Variants in RAPGEF4 observed in about 807,000 individuals in gnomAD.
The protein encoded by RAPGEF4 is RAP guanine-nucleotide-exchange factor (GEF) 4.
RAPGEF4 carries 66 observed loss-of-function variants against 147.9 expected under a neutral mutation model. That is an observed-to-expected ratio of 0.45 (90% CI 0.37 to 0.55). The LOEUF is 0.55. Ranked by LOEUF, RAPGEF4 falls within the 20% of genes least tolerant of loss-of-function variation. The probability of loss-of-function intolerance (pLI) is 0.00; values close to 1 mark genes in which losing one functional copy is unlikely to be tolerated. For synonymous variants in RAPGEF4, 419 were observed against 442.7 expected, an observed-to-expected ratio of 0.95 and a Z score of 0.67; for missense variants, 1,071 against 1,257.3, an observed-to-expected ratio of 0.85 and a Z score of 2.24.
intron 4 of RAPGEF4, among the ~76,000 whole-genome samples, chr2:172,818,149 C>T (rs1268228967): frequency 3.3e-5 from 5 of 150,244 alleles, no homozygotes; most frequent in Admixed American, 6.6e-5. Flanking sequence ...GATGCAAAGG[C>T]GTAAGAATGA....
chr2:172,988,067 G>T, intron 12 of RAPGEF4, 129 bp from the exon 13 acceptor site: 1 of 1,332,524 alleles, frequency 7.5e-7, no homozygotes, highest in Non-Finnish European at 9.7e-7. Flanking sequence ...GTTAATATTT[G>T]CCAGTGATGT....
chr2:172,897,867 C>T (rs1333361991), intron 4 of RAPGEF4, among the ~76,000 whole-genome samples: 1 of 60,244 alleles, frequency 1.7e-5, no homozygotes, highest in African/African-American at 5.6e-5. Flanking sequence ...ATTTAATACT[C>T]ATCACATGTA....
At chr2:172,969,802 C>T (rs116816638) in intron 10 of RAPGEF4, among the ~76,000 whole-genome samples, 39 of 152,292 alleles carry the variant, frequency 2.6e-4, no homozygotes, top group African/African-American at 8.4e-4. Flanking sequence ...TTTCATGAGT[C>T]ACCTTGGGAG....
intron 10 of RAPGEF4, among the ~76,000 whole-genome samples, chr2:172,975,372 A>G (rs550269463): frequency 6.6e-6 from 1 of 152,230 alleles, no homozygotes; most frequent in African/African-American, 2.4e-5. Flanking sequence ...CCCTCTTTGA[A>G]CCACTAAAAA....
intron 1 of RAPGEF4, among the ~76,000 whole-genome samples, chr2:172,770,081 A>G (rs533439044): frequency 1.3e-5 from 2 of 152,332 alleles, no homozygotes; most frequent in Admixed American, 1.3e-4. Context: ...GTATGCATGC[A>G]TACCCACTTT....
At chr2:172,854,271 A>G (rs1302962452) in intron 4 of RAPGEF4, among the ~76,000 whole-genome samples, 2 of 151,914 alleles carry the variant, frequency 1.3e-5, no homozygotes, top group Non-Finnish European at 2.9e-5. Context: ...TTAGGCATGT[A>G]TGCATTTATT....
intron 29 of RAPGEF4, among the ~76,000 whole-genome samples, chr2:173,039,196 G>T (rs533218858): frequency 6.6e-6 from 1 of 152,060 alleles, no homozygotes; most frequent in African/African-American, 2.4e-5. Flanking sequence ...GGTGGCTCAC[G>T]CCTGTAATCC....
At chr2:172,821,651 C>G (rs1259258687) in intron 4 of RAPGEF4, 3 of 1,025,436 alleles carry the variant, frequency 2.9e-6, no homozygotes, top group Non-Finnish European at 3.5e-6. Flanking sequence ...GGTCTCATTC[C>G]TGTGTCTTCA....
At chr2:172,906,400 C>G (rs547919110) in intron 4 of RAPGEF4, among the ~76,000 whole-genome samples, 2 of 152,210 alleles carry the variant, frequency 1.3e-5, no homozygotes, top group African/African-American at 2.4e-5. Context: ...AGCACACCCC[C>G]ACCCCAGGTG....
chr2:172,861,005 T>A (rs1489151678), intron 4 of RAPGEF4, among the ~76,000 whole-genome samples: 1 of 152,216 alleles, frequency 6.6e-6, no homozygotes, highest in Non-Finnish European at 1.5e-5. Flanking sequence ...ATCTTTAAAG[T>A]TTTTGCCTCA....
At chr2:172,762,122 CA>C (rs1028869693) in intron 1 of RAPGEF4, among the ~76,000 whole-genome samples, 52 of 152,256 alleles carry the variant, frequency 3.4e-4, no homozygotes, top group African/African-American at 1.3e-3. Context: ...CTCAAACAAA[CA>C]AACAAACAAA....
At chr2:173,005,259 G>A (rs1269227565) in intron 17 of RAPGEF4, among the ~76,000 whole-genome samples, 1 of 151,992 alleles carries the variant, frequency 6.6e-6, no homozygotes, top group Non-Finnish European at 1.5e-5. Context: ...TGCTTCTGAT[G>A]TGTATTCCCA....
chr2:172,755,871 AC>A lies in RAPGEF4; in HGVS notation c.65+19825del, dbSNP rs1227267687. 2.0e-5 allele frequency among the ~76,000 whole-genome samples: 3 copies of A among 152,290 alleles called. No homozygotes were observed. In the East Asian group the frequency reaches 5.8e-4, roughly 29 times the overall value. Reference sequence around the variant, plus strand: ...AGTCCACAGAATTTATTTGGGCTTTACCAATTCTATGTGCATTCAAGTGCAC... The same window carrying A: ...AGTCCACAGAATTTATTTGGGCTTTACAATTCTATGTGCATTCAAGTGCAC... On this transcript the variant is annotated intron_variant, in intron 1 of 30. Coordinates refer to ENST00000397081, the MANE Select transcript of RAPGEF4 (RefSeq NM_007023.4).
intron 6 of RAPGEF4, among the ~76,000 whole-genome samples, chr2:172,946,775 C>T (rs997858968): frequency 2.0e-5 from 3 of 152,196 alleles, no homozygotes; most frequent in African/African-American, 7.2e-5. Context: ...ACGGTTCCAC[C>T]GGATGTGCCT....
chr2:172,873,501 C>A (rs1695490969), intron 4 of RAPGEF4, among the ~76,000 whole-genome samples: 1 of 152,306 alleles, frequency 6.6e-6, no homozygotes, highest in Non-Finnish European at 1.5e-5. Flanking sequence ...AGCTGCTACC[C>A]TCTTTCCTAA....
chr2:172,861,480 T>C lies in RAPGEF4; in HGVS notation c.444+47055T>C, dbSNP rs375055027. Reference sequence around the variant, plus strand: ...TAGAATCCCCTGACTGAAAATTCCATGGGGCAGACACAGGAAGTGAATGCT... The same window carrying C: ...TAGAATCCCCTGACTGAAAATTCCACGGGGCAGACACAGGAAGTGAATGCT... On this transcript the variant is annotated intron_variant, in intron 4 of 30. Coordinates refer to ENST00000397081, the MANE Select transcript of RAPGEF4 (RefSeq NM_007023.4). 1.7e-3 allele frequency among the ~76,000 whole-genome samples: 257 copies of C among 152,256 alleles called. 1 individual carries two copies. Among genetic ancestry groups the C allele is most frequent in the African/African-American group, 6.0e-3 (250 of 41,560 alleles).
chr2:172,825,805 C>A (rs545517831), intron 4 of RAPGEF4, among the ~76,000 whole-genome samples: 1 of 151,986 alleles, frequency 6.6e-6, no homozygotes, highest in South Asian at 2.1e-4. Flanking sequence ...ATTATCTTAC[C>A]TTCATTTATA....
At chr2:172,988,303 A>T in intron 13 of RAPGEF4, 31 bp downstream of exon 13, 1 of 1,588,856 alleles carries the variant, frequency 6.3e-7, no homozygotes, top group South Asian at 1.2e-5. Context: ...TTGAAACTTT[A>T]TTACGCTCCA....
In RAPGEF4 at chr2:173,027,123, A is replaced by C. The variant is rs1168233216; in HGVS notation, c.2422A>C (p.Lys808Gln). 2.5e-6 allele frequency: 4 copies of C among 1,610,454 alleles called. No individual in the cohort carries two copies. The highest frequency in any genetic ancestry group is 1.6e-4 in the Middle Eastern group (1 of 6,070). ...YHTFGRHNFK[K>Q]TTANLDLFLR... ...CACATTTGGAAGGCATAATTTTAAAAAGACCACAGCAAACTTGGATTTGTT... is the reference window on the plus strand; with the variant it reads ...CACATTTGGAAGGCATAATTTTAAACAGACCACAGCAAACTTGGATTTGTT... The change falls in exon 25 of 31, where the codon AAG (lysine) becomes CAG (glutamine). Residue 808 changes from lysine (K) to glutamine (Q), a missense_variant. By Grantham distance (53) the Lys-to-Gln change is moderately conservative. Coordinates refer to ENST00000397081, the MANE Select transcript of RAPGEF4 (RefSeq NM_007023.4).
Sources: allele counts gnomAD v4.1 joint callset (sites outside exome capture counted in the v4.1 genomes callset), GRCh38; gene constraint gnomAD v4.1.1; transcripts MANE v1.5; gene names NCBI Gene and HGNC (gene_info 2026-07-23, HGNC 2026-07-21).